SIM1: variants seen among roughly 807,000 people sequenced by gnomAD.
The protein encoded by SIM1 is single-minded homolog 1.
Under a neutral mutation model 78.2 loss-of-function variants are expected in SIM1, and 18 were observed. The ratio of observed to expected loss-of-function variants is 0.23; its 90% confidence interval spans 0.16 to 0.34. SIM1 has a LOEUF of 0.34. Ranked by LOEUF, SIM1 falls within the 10% of genes least tolerant of loss-of-function variation. SIM1 has a pLI of 1.00. For missense variants in SIM1, 939 were observed against 975.1 expected, an observed-to-expected ratio of 0.96 and a Z score of 0.49; for synonymous variants, 417 against 385.2, an observed-to-expected ratio of 1.08 and a Z score of -0.97.
chr6:100,432,609 C>T (rs1771932422), intron 9 of SIM1, among the ~76,000 whole-genome samples: 1 of 152,168 alleles, frequency 6.6e-6, no homozygotes, highest in South Asian at 2.1e-4. Flanking sequence ...TGCTTACTTC[C>T]TCCTAACCTC....
chr6:100,450,183 C>A lies in SIM1; in HGVS notation c.348+84G>T, dbSNP rs542585824. The A allele has an allele frequency of 1.0e-4, 113 of 1,126,266 alleles. No homozygotes were observed. In the African/African-American group the frequency reaches 1.4e-3, roughly 14 times the overall value. The allele number at this position is 1,126,266 out of a possible 1,614,324, so 69.8% of individuals were successfully genotyped here. ...CCAGCTCCAGGTTTAGAGAAGCACA[C>A]CCAGCCCCCAACCCAGCCCCCTACC... On this transcript the variant is annotated intron_variant, in intron 4 of 11. Coordinates refer to ENST00000369208, the MANE Select transcript of SIM1 (RefSeq NM_005068.3).
rs1439397770 is a variant in SIM1 at position 100,463,511 on chromosome 6, G to C, written c.-43C>G. On this transcript the variant is annotated 5_prime_UTR_variant, in exon 2 of 12. The change creates a new upstream start codon in the 5' untranslated region. Transcript: ENST00000369208. ...TTCTTCTCACAACTTAAGCTCCGCA[G>C]ATTCATCCAAAACCAAAAATAAACT... The C allele has an allele frequency of 1.3e-6, 2 of 1,538,512 alleles. No homozygotes were observed. The highest frequency in any genetic ancestry group is 4.6e-5 in the East Asian group (2 of 43,816).
At chr6:100,408,700 G>A (rs915934502) in intron 10 of SIM1, among the ~76,000 whole-genome samples, 4 of 152,088 alleles carry the variant, frequency 2.6e-5, no homozygotes, top group Non-Finnish European at 5.9e-5. Context: ...TTCAGTTAAT[G>A]TGGTATATAA....
At chr6:100,463,010 TAGTATCTGA>T (rs1057096552) in intron 2 of SIM1, 22 of 341,314 alleles carry the variant, frequency 6.4e-5, no homozygotes, top group Non-Finnish European at 1.1e-4. Context: ...CAATTGAGCC[TAGTATCTGA>T]AGTGTTGACA....
chr6:100,407,736 G>C (rs1158663912), intron 10 of SIM1, among the ~76,000 whole-genome samples: 2 of 152,032 alleles, frequency 1.3e-5, no homozygotes, highest in Non-Finnish European at 2.9e-5. Context: ...TTGGCCATTT[G>C]TATGCCTTCT....
intron 10 of SIM1, among the ~76,000 whole-genome samples, chr6:100,413,378 T>G (rs991015705): frequency 6.6e-6 from 1 of 152,210 alleles, no homozygotes; most frequent in Non-Finnish European, 1.5e-5. Flanking sequence ...CCTATCCTCA[T>G]GAATCTTATC....
intron 6 of SIM1, among the ~76,000 whole-genome samples, chr6:100,449,047 CTT>C (rs941726676): frequency 4.6e-5 from 7 of 152,222 alleles, no homozygotes; most frequent in African/African-American, 1.7e-4. Context: ...TGCATAAACT[CTT>C]AGGGATTCAC....
chr6:100,402,851 C>G (rs896193708), intron 10 of SIM1, among the ~76,000 whole-genome samples: 4 of 152,132 alleles, frequency 2.6e-5, no homozygotes, highest in Non-Finnish European at 5.9e-5. Context: ...GCTGGGATTA[C>G]AGGCGTGAGC....
At chr6:100,394,182 T>C (rs537003774) in intron 10 of SIM1, 1 of 274,848 alleles carries the variant, frequency 3.6e-6, no homozygotes, top group African/African-American at 2.2e-5. Flanking sequence ...AAGTGCCTCA[T>C]ATGAACTATC....
intron 2 of SIM1, among the ~76,000 whole-genome samples, chr6:100,455,190 C>T (rs1456357021): frequency 6.6e-6 from 1 of 152,214 alleles, no homozygotes; most frequent in Non-Finnish European, 1.5e-5. Context: ...CCCTTAAGCT[C>T]AAATCCGGTC....
At position 100,389,398 on chromosome 6, in the gene SIM1, GT is replaced by G. The variant is rs1770579823; in HGVS notation, c.*962del. Reference sequence around the variant, plus strand: ...ACTGCTGTCATGTGGCACTTCACTGGTTTTCCTTTTATTTTTGCACCTATTG... The same window carrying G: ...ACTGCTGTCATGTGGCACTTCACTGGTTTCCTTTTATTTTTGCACCTATTG... On this transcript the variant is annotated 3_prime_UTR_variant, in exon 12 of 12. Coordinates refer to ENST00000369208, the MANE Select transcript of SIM1 (RefSeq NM_005068.3). 5.2e-6 allele frequency: 2 copies of G among 385,584 alleles called. No individual in the cohort carries two copies. Among genetic ancestry groups the G allele is most frequent in the Non-Finnish European group, 9.2e-6 (2 of 218,238 alleles). The allele number at this position is 385,584 out of a possible 1,614,324, so 23.9% of individuals were successfully genotyped here.
rs572902332 is a variant in SIM1, at chr6:100,449,343, C to A, written c.543+20G>T. The A allele has an allele frequency of 9.3e-6, 15 of 1,605,968 alleles. No individual in the cohort carries two copies. The Admixed American group carries it at 2.5e-4, about 27-fold the overall frequency. On this transcript the variant is annotated intron_variant, in intron 6 of 11. Transcript: ENST00000369208. The stretch of plus-strand genomic sequence containing the variant: ...CCGCCTCCTCTGACTCCACCCGGAG[C>A]GGATCTTCCAGCTACGCACCTTGTA...
intron 10 of SIM1, among the ~76,000 whole-genome samples, chr6:100,399,660 T>C (rs1041588463): frequency 1.3e-5 from 2 of 152,074 alleles, no homozygotes; most frequent in Non-Finnish European, 2.9e-5. Flanking sequence ...AAATTTACAA[T>C]TTGACTAAAA....
chr6:100,390,081 C>A lies in SIM1; in HGVS notation c.*280G>T. 1 of 503,398 alleles carries A rather than the reference C, an allele frequency of 2.0e-6. No individual in the cohort carries two copies. The highest frequency in any genetic ancestry group is 3.5e-6 in the Non-Finnish European group (1 of 285,324). The allele number at this position is 503,398 out of a possible 1,614,324, so 31.2% of individuals were successfully genotyped here. On this transcript the variant is annotated 3_prime_UTR_variant, in exon 12 of 12. Coordinates refer to ENST00000369208, the MANE Select transcript of SIM1 (RefSeq NM_005068.3). Reference sequence around the variant, plus strand: ...AGTCCTCTCATGTAGTATATATGCACACTTGATCTACATGAATATTTTTCA... The same window carrying A: ...AGTCCTCTCATGTAGTATATATGCAAACTTGATCTACATGAATATTTTTCA...
At chr6:100,403,367 C>T (rs1770976233) in intron 10 of SIM1, among the ~76,000 whole-genome samples, 1 of 152,232 alleles carries the variant, frequency 6.6e-6, no homozygotes. Flanking sequence ...CTAGAACAGA[C>T]TGATAATTCA....
intron 10 of SIM1, among the ~76,000 whole-genome samples, chr6:100,400,373 T>C (rs1446478392): frequency 6.6e-6 from 1 of 151,950 alleles, no homozygotes; most frequent in East Asian, 1.9e-4. Context: ...AAAACCTCAG[T>C]AAATTTCATG....
rs1447700155 is a variant in SIM1, at chr6:100,390,364, G to A, written c.2298C>T (p.Ser766=). The A allele has an allele frequency of 1.9e-6, 3 of 1,610,338 alleles. No homozygotes were observed. The South Asian group carries it at 3.3e-5, about 18-fold the overall frequency. The change falls in exon 12 of 12, where the codon AGC becomes AGT. Residue 766 remains serine, a synonymous_variant. Transcript: ENST00000369208. ...AACAAAATATTTCAGCAAAACATCA[G>A]CTTCCGTTGGTTATTATAACAGATG... ...KGTSVIITNG[S] is the part of the protein sequence containing the mutation.
intron 3 of SIM1, among the ~76,000 whole-genome samples, chr6:100,452,295 C>T (rs2114546053): frequency 6.6e-6 from 1 of 152,326 alleles, no homozygotes; most frequent in South Asian, 2.1e-4. Context: ...CTCCATGGCA[C>T]CTATACCACC....
In SIM1 at chr6:100,417,084, A is replaced by G. The variant is rs7739063; in HGVS notation, c.1167+3706T>C. On this transcript the variant is annotated intron_variant, in intron 10 of 11. Transcript: ENST00000369208. ...TCTTTGCTCTCATTAAATGACACCA[A>G]CCCTCCTCCACTCCACCTCCAGACC... Among the ~76,000 whole-genome samples the G allele has an allele frequency of 9.7e-3, 1,474 of 151,910 alleles. 24 individuals carry two copies. The highest frequency in any genetic ancestry group is 0.034 in the African/African-American group (1,399 of 41,394).
Sources: gnomAD v4.1 joint callset for allele counts (sites outside exome capture counted in the v4.1 genomes callset) on GRCh38, gnomAD v4.1.1 for gene constraint, MANE v1.5 for transcripts, NCBI Gene and HGNC (gene_info 2026-07-23, HGNC 2026-07-21) for gene names.